The following SLC5A7 variants were observed in gnomAD, a reference collection of about 807,000 sequenced individuals.
The protein encoded by SLC5A7 is high affinity choline transporter 1.
Under a neutral mutation model 55.4 loss-of-function variants are expected in SLC5A7, and 19 were observed. That is an observed-to-expected ratio of 0.34 (90% confidence interval 0.24 to 0.50). The LOEUF (loss-of-function observed/expected upper bound fraction) is 0.50, where lower values mean the gene tolerates loss of function less well. SLC5A7 is among the 20% of genes least tolerant of loss of function. The pLI is 0.98. For synonymous variants in SLC5A7, 265 were observed against 263.7 expected, an observed-to-expected ratio of 1.00 and a Z score of -0.05; for missense variants, 506 against 705.3, an observed-to-expected ratio of 0.72 and a Z score of 3.20.
At chr2:108,010,164 G>A in intron 8 of SLC5A7, 68 bp from the exon 9 acceptor site, 2 of 1,538,626 alleles carry the variant, frequency 1.3e-6, no homozygotes, top group Non-Finnish European at 1.7e-6. Flanking sequence ...CAAAAAATAT[G>A]TCTCATTCTT....
intron 6 of SLC5A7, among the ~76,000 whole-genome samples, chr2:108,005,468 A>G (rs1678072317): frequency 6.6e-6 from 1 of 152,260 alleles, no homozygotes; most frequent in South Asian, 2.1e-4. Flanking sequence ...AGTTCAAAAT[A>G]GGTAAATTAA....
intron 6 of SLC5A7, among the ~76,000 whole-genome samples, chr2:108,003,936 A>G (rs937913425): frequency 6.6e-6 from 1 of 152,160 alleles, no homozygotes; most frequent in African/African-American, 2.4e-5. Flanking sequence ...CAGGTTGCAG[A>G]CTGTACACTT....
At chr2:108,007,480 C>CTGTG (rs55917915) in intron 7 of SLC5A7, among the ~76,000 whole-genome samples, 3 of 149,790 alleles carry the variant, frequency 2.0e-5, no homozygotes, top group Admixed American at 6.6e-5. Context: ...GTGTGTGTGT[C>CTGTG]TGTGTGTGTG....
In SLC5A7 at chr2:108,009,553, C is replaced by A. The variant is rs1056667377; in HGVS notation, c.1114-679C>A. 2.6e-5 allele frequency among the ~76,000 whole-genome samples: 4 copies of A among 152,080 alleles called. No individual in the cohort carries two copies. The East Asian group carries it at 7.8e-4, about 30-fold the overall frequency. ...GTTCAACTCCCACTTATGAGTGAGACCATGTGGTGTTTGGTTTTCTGTTCC... is the reference window on the plus strand; with the variant it reads ...GTTCAACTCCCACTTATGAGTGAGAACATGTGGTGTTTGGTTTTCTGTTCC... On this transcript the variant is annotated intron_variant, in intron 8 of 8. Transcript: ENST00000264047.
Position 108,010,554 on chromosome 2 carries a change from T to G in SLC5A7, c.1436T>G (p.Phe479Cys), listed in dbSNP as rs1274120636. Residue 479 changes from phenylalanine to cysteine, a missense_variant, in exon 9 of 9, where the codon TTT becomes TGT. Phe to Cys is a radical substitution (Grantham distance 205). Coordinates refer to ENST00000264047, the MANE Select transcript of SLC5A7 (RefSeq NM_021815.5). ...GGTATATATAATCAGAAATTTCCAT[T>G]TAAAACACTTGCCATGGTTACATCA... ...DNGIYNQKFP[F>C]KTLAMVTSFL... 9 of 1,613,782 alleles carry G rather than the reference T, an allele frequency of 5.6e-6. No homozygotes were observed. The highest frequency in any genetic ancestry group is 6.8e-6 in the Non-Finnish European group (8 of 1,179,870).
chr2:107,995,173 C>G (rs572178403), intron 4 of SLC5A7, among the ~76,000 whole-genome samples: 1 of 152,258 alleles, frequency 6.6e-6, no homozygotes, highest in East Asian at 1.9e-4. Flanking sequence ...GTCTATTGCT[C>G]TTAGGCTACA....
intron 6 of SLC5A7, among the ~76,000 whole-genome samples, chr2:108,005,449 TTTAAATACAG>T (rs1352340286): frequency 2.6e-5 from 4 of 152,214 alleles, no homozygotes; most frequent in African/African-American, 9.6e-5. Context: ...TCTGGGGTAG[TTTAAATACAG>T]TTCAAAATAG....
intron 6 of SLC5A7, among the ~76,000 whole-genome samples, chr2:108,005,535 A>T (rs1336784193): frequency 6.6e-6 from 1 of 152,250 alleles, no homozygotes; most frequent in African/African-American, 2.4e-5. Flanking sequence ...AATTCTGCAT[A>T]ATTGAAAGTT....
chr2:107,993,878 A>G (rs1215559660), intron 4 of SLC5A7, among the ~76,000 whole-genome samples: 1 of 152,258 alleles, frequency 6.6e-6, no homozygotes, highest in Non-Finnish European at 1.5e-5. Context: ...GCAAAACTAC[A>G]AACTTGAAAT....
chr2:107,998,851 T>G (rs941468026), intron 5 of SLC5A7, among the ~76,000 whole-genome samples: 3 of 151,004 alleles, frequency 2.0e-5, no homozygotes, highest in Non-Finnish European at 3.0e-5. Flanking sequence ...GTACTCTTGA[T>G]TCTCCTCATC....
rs933428138 is a variant in SLC5A7 at position 108,010,955 on chromosome 2, A to C, written c.*94A>C. 2 of 1,282,340 alleles carry C rather than the reference A, an allele frequency of 1.6e-6. No individual in the cohort carries two copies. The highest frequency in any genetic ancestry group is 5.2e-5 in the East Asian group (2 of 38,672). The allele number at this position is 1,282,340 out of a possible 1,614,324, so 79.4% of individuals were successfully genotyped here. A position where few individuals can be genotyped will look rare whatever the true frequency, so the allele number is the denominator to read the frequency against. ...TGCAGCATACAAAAATATATTAAAA[A>C]TATAAACAATGTTCAGGAGAGTAAA... On this transcript the variant is annotated 3_prime_UTR_variant, in exon 9 of 9. Coordinates refer to ENST00000264047, the MANE Select transcript of SLC5A7 (RefSeq NM_021815.5).
chr2:108,000,989 C>T (rs915408799), intron 5 of SLC5A7, among the ~76,000 whole-genome samples: 1 of 130,924 alleles, frequency 7.6e-6, no homozygotes, highest in Non-Finnish European at 1.5e-5. Flanking sequence ...TATGCAATGT[C>T]CAGTCTCGGC....
intron 6 of SLC5A7, among the ~76,000 whole-genome samples, chr2:108,003,086 T>C (rs377152623): frequency 1.1e-4 from 17 of 152,300 alleles, no homozygotes; most frequent in African/African-American, 3.8e-4. Context: ...TTTCCAGTAG[T>C]GGACTGGAGG....
intron 1 of SLC5A7, among the ~76,000 whole-genome samples, chr2:107,987,149 C>CA (rs1677277056): frequency 1.3e-5 from 2 of 152,072 alleles, no homozygotes; most frequent in African/African-American, 4.8e-5. Context: ...GCACAAATGT[C>CA]AGAGTTTCCC....
At position 108,013,054 on chromosome 2, in the gene SLC5A7, A is replaced by C. The variant is rs1464922204; in HGVS notation, c.*2193A>C. ...GTCATATAATGCAACAGGGAGGCAT[A>C]GTCTCTCTACAGGTCTCTCTCTTTA... On this transcript the variant is annotated 3_prime_UTR_variant, in exon 9 of 9. Coordinates refer to ENST00000264047, the MANE Select transcript of SLC5A7 (RefSeq NM_021815.5). The C allele has an allele frequency of 6.6e-6, 1 of 152,104 alleles. No homozygotes were observed. The highest frequency in any genetic ancestry group is 1.5e-5 in the Non-Finnish European group (1 of 68,008). The allele number at this position is 152,104 out of a possible 1,614,324, so 9.4% of individuals were successfully genotyped here.
In SLC5A7 at chr2:108,008,577, T is replaced by TCTTG; in HGVS notation, c.1009_1012dup (p.Gly338AlafsTer75). ...GCCCTGTGTATATTTCTTTCTTTGG[T>TCTTG]CTTGGTGCAGTTTCTGCTGCTGTTA... On this transcript the variant is annotated frameshift_variant, in exon 8 of 9. Transcript: ENST00000264047. LOFTEE classifies it high-confidence loss of function. The TCTTG allele has an allele frequency of 6.2e-7, 1 of 1,613,576 alleles. No homozygotes were observed. The highest frequency in any genetic ancestry group is 8.5e-7 in the Non-Finnish European group (1 of 1,179,854).
intron 4 of SLC5A7, among the ~76,000 whole-genome samples, chr2:107,995,468 A>AGTGTGTGTGT (rs869199323): frequency 1.8e-4 from 22 of 125,412 alleles, no homozygotes; most frequent in Admixed American, 4.2e-4. Context: ...AGAGAGAGAG[A>AGTGTGTGTGT]GAGTGTGTGT....
intron 6 of SLC5A7, among the ~76,000 whole-genome samples, chr2:108,004,688 T>C (rs769401821): frequency 1.3e-5 from 2 of 152,190 alleles, no homozygotes; most frequent in African/African-American, 4.8e-5. Context: ...CACTCACCTC[T>C]CATCATACCA....
chr2:107,994,691 G>A (rs1382084095), intron 4 of SLC5A7, among the ~76,000 whole-genome samples: 1 of 152,154 alleles, frequency 6.6e-6, no homozygotes, highest in Non-Finnish European at 1.5e-5. Context: ...ATGATATTAT[G>A]TGTAAAACTA....
Sources: gnomAD v4.1 joint callset for allele counts (sites outside exome capture counted in the v4.1 genomes callset) on GRCh38, gnomAD v4.1.1 for gene constraint, MANE v1.5 for transcripts, NCBI Gene and HGNC (gene_info 2026-07-23, HGNC 2026-07-21) for gene names.